The following NKAIN2 variants were observed in gnomAD, a reference collection of about 807,000 sequenced individuals.
NKAIN2 encodes the protein sodium/potassium transporting ATPase interacting 2, also known as sodium/potassium-transporting ATPase subunit beta-1-interacting protein 2.
In NKAIN2, 14 loss-of-function variants were observed where a neutral mutation model predicts 32.6. The observed-to-expected ratio is 0.43, with a 90% CI of 0.28 to 0.67. NKAIN2 has a LOEUF of 0.67. Among genes scored for constraint, NKAIN2 ranks in the 30% least tolerant of loss-of-function variants. The pLI, the probability that NKAIN2 is intolerant of heterozygous loss-of-function variation, is 0.17. For missense variants in NKAIN2, 198 were observed against 258.3 expected (o/e 0.77, Z 1.60); for synonymous variants, 80 against 87.2 (o/e 0.92, Z 0.46).
chr6:124,724,193 A>G (rs1319317868), intron 4 of NKAIN2, among the ~76,000 whole-genome samples: 1 of 152,128 alleles, frequency 6.6e-6, no homozygotes, highest in Non-Finnish European at 1.5e-5. Context: ...AGGTTTAAAT[A>G]CTAAGCCCCT....
intron 1 of NKAIN2, among the ~76,000 whole-genome samples, chr6:124,146,116 G>T (rs1409004601): frequency 6.6e-6 from 1 of 152,094 alleles, no homozygotes; most frequent in Non-Finnish European, 1.5e-5. Flanking sequence ...AAGATTACAT[G>T]AGACTCTCTG....
At chr6:123,900,737 G>T (rs1349216255) in intron 1 of NKAIN2, among the ~76,000 whole-genome samples, 2 of 151,642 alleles carry the variant, frequency 1.3e-5, no homozygotes, top group Non-Finnish European at 2.9e-5. Flanking sequence ...TTGGCTTGTT[G>T]TCTAATCATA....
intron 3 of NKAIN2, among the ~76,000 whole-genome samples, chr6:124,569,251 T>G (rs1469585616): frequency 6.6e-6 from 1 of 152,238 alleles, no homozygotes; most frequent in East Asian, 1.9e-4. Context: ...TCCTCCTGTT[T>G]TATCTCCTGA....
intron 1 of NKAIN2, among the ~76,000 whole-genome samples, chr6:124,004,715 G>A (rs1269557276): frequency 6.6e-6 from 1 of 151,884 alleles, no homozygotes; most frequent in Non-Finnish European, 1.5e-5. Context: ...CTGTCAGGTG[G>A]TGGGGGGATG....
rs1052998106 is a variant in NKAIN2 at position 124,393,998 on chromosome 6, T to C, written c.273+38651T>C. Among the ~76,000 whole-genome samples, 17 of 152,188 alleles carry C rather than the reference T, an allele frequency of 1.1e-4. 1 individual carries two copies. The highest frequency in any genetic ancestry group is 2.6e-4 in the Admixed American group (4 of 15,280). On this transcript the variant is annotated intron_variant, in intron 3 of 6. Coordinates refer to ENST00000368417, the MANE Select transcript of NKAIN2 (RefSeq NM_001040214.3). ...AAGAAAGAGTTGAATCCCAGACTTA[T>C]TGAGTTTAAAGTCTATGATGTCACC... is the stretch of plus-strand genomic sequence containing the variant.
intron 4 of NKAIN2, among the ~76,000 whole-genome samples, chr6:124,748,391 C>G (rs1453295567): frequency 6.6e-6 from 1 of 151,892 alleles, no homozygotes. Context: ...CTCTTAACAC[C>G]TACAGGCACT....
intron 3 of NKAIN2, among the ~76,000 whole-genome samples, chr6:124,523,684 G>A (rs1444104134): frequency 6.6e-6 from 1 of 152,062 alleles, no homozygotes; most frequent in Non-Finnish European, 1.5e-5. Flanking sequence ...GGGAAACTAT[G>A]CTCTGTCCTC....
At chr6:124,267,481 T>TAAA (rs71541244) in intron 1 of NKAIN2, among the ~76,000 whole-genome samples, 19 of 97,702 alleles carry the variant, frequency 1.9e-4, no homozygotes, top group African/African-American at 4.7e-4. Flanking sequence ...ACCATGTCTC[T>TAAA]AAAAAAAAAA....
intron 3 of NKAIN2, among the ~76,000 whole-genome samples, chr6:124,386,026 T>C (rs984941983): frequency 2.0e-5 from 3 of 152,108 alleles, no homozygotes; most frequent in African/African-American, 7.2e-5. Flanking sequence ...AATCAGTCAA[T>C]GCAGTCTTTT....
intron 4 of NKAIN2, among the ~76,000 whole-genome samples, chr6:124,688,584 A>G (rs927028572): frequency 2.6e-5 from 4 of 152,040 alleles, no homozygotes; most frequent in African/African-American, 9.7e-5. Context: ...AGCATCATAT[A>G]TGGTATTTTC....
chr6:124,060,709 A>G lies in NKAIN2; in HGVS notation c.55-222296A>G, dbSNP rs79866273. On this transcript the variant is annotated intron_variant, in intron 1 of 6. Transcript: ENST00000368417. ...TTCCTTGTTTGCTTACTCATCTAGT[A>G]AAGTTTAGCAGACTAGGTACAACTT... is the stretch of plus-strand genomic sequence containing the variant. Among the ~76,000 whole-genome samples, 372 of 152,306 alleles carry G rather than the reference A, an allele frequency of 2.4e-3. 4 individuals are homozygous for G. The East Asian group carries it at 0.031, about 13-fold the overall frequency.
chr6:124,041,672 T>G (rs1215092241), intron 1 of NKAIN2, among the ~76,000 whole-genome samples: 2 of 152,070 alleles, frequency 1.3e-5, no homozygotes, highest in Non-Finnish European at 2.9e-5. Flanking sequence ...TTGTTGCTAT[T>G]AATAAAGTAG....
At chr6:124,132,556 A>G (rs1786532429) in intron 1 of NKAIN2, among the ~76,000 whole-genome samples, 1 of 152,238 alleles carries the variant, frequency 6.6e-6, no homozygotes, top group Admixed American at 6.5e-5. Context: ...GAAAGAGAAA[A>G]CAACAGTTAA....
At chr6:124,770,646 T>C (rs1005335600) in intron 4 of NKAIN2, among the ~76,000 whole-genome samples, 2 of 152,182 alleles carry the variant, frequency 1.3e-5, no homozygotes, top group Admixed American at 6.5e-5. Flanking sequence ...TCCCCTTTTC[T>C]TTTTACTACC....
chr6:123,831,258 C>A (rs534495497), intron 1 of NKAIN2, among the ~76,000 whole-genome samples: 1 of 151,908 alleles, frequency 6.6e-6, no homozygotes, highest in East Asian at 1.9e-4. Flanking sequence ...CATTTCCTAA[C>A]TAGCTATCTA....
chr6:124,428,867 T>C (rs1775089051), intron 3 of NKAIN2, among the ~76,000 whole-genome samples: 1 of 152,076 alleles, frequency 6.6e-6, no homozygotes, highest in Admixed American at 6.6e-5. Flanking sequence ...GGGGTGTGTA[T>C]AAGAGGGGTA....
At chr6:124,654,103 A>G (rs1487070837) in intron 3 of NKAIN2, among the ~76,000 whole-genome samples, 2 of 152,158 alleles carry the variant, frequency 1.3e-5, no homozygotes, top group African/African-American at 4.8e-5. Flanking sequence ...AATAGGAGAT[A>G]ATACTTAAAT....
At chr6:124,091,675 C>T (rs1784429480) in intron 1 of NKAIN2, among the ~76,000 whole-genome samples, 1 of 151,628 alleles carries the variant, frequency 6.6e-6, no homozygotes, top group Non-Finnish European at 1.5e-5. Context: ...TTTTTTTCCC[C>T]CCAGCTCCAT....
intron 4 of NKAIN2, among the ~76,000 whole-genome samples, chr6:124,719,122 T>C (rs1165064111): frequency 6.6e-6 from 1 of 152,214 alleles, no homozygotes; most frequent in East Asian, 1.9e-4. Flanking sequence ...TCATCTATCA[T>C]TAGTCAAATA....
Sources: gnomAD v4.1 joint callset for allele counts (sites outside exome capture counted in the v4.1 genomes callset) on GRCh38, gnomAD v4.1.1 for gene constraint, MANE v1.5 for transcripts, NCBI Gene and HGNC (gene_info 2026-07-23, HGNC 2026-07-21) for gene names.